Variants in XYLB observed in about 807,000 individuals in gnomAD.
The protein encoded by XYLB is xylulose kinase.
Under a neutral mutation model 78.7 loss-of-function variants are expected in XYLB, and 62 were observed. That is an observed-to-expected ratio of 0.79 (90% CI 0.64 to 0.97). The LOEUF (loss-of-function observed/expected upper bound fraction) is 0.97. XYLB is among the 50% of genes least tolerant of loss of function. XYLB has a pLI of 0.00. For missense variants in XYLB, 687 were observed against 676.8 expected (o/e 1.02, Z -0.17); for synonymous variants, 245 against 247.4 (o/e 0.99, Z 0.09).
At position 38,414,261 on chromosome 3, in the gene XYLB, G is replaced by C. The variant is rs2125684436; in HGVS notation, c.*1248G>C. 1 of 152,320 alleles carries C rather than the reference G, an allele frequency of 6.6e-6. No homozygotes were observed. Among genetic ancestry groups the C allele is most frequent in the Non-Finnish European group, 1.5e-5 (1 of 68,046 alleles). The allele number at this position is 152,320 out of a possible 1,614,324, so 9.4% of individuals were successfully genotyped here. ...GTTAAAAGGAAGGGGCTTAGAAAAT[G>C]AATGGGACCAAAGGCATCACTTCTG... On this transcript the variant is annotated 3_prime_UTR_variant, in exon 19 of 19. Transcript: ENST00000207870.
intron 2 of XYLB, among the ~76,000 whole-genome samples, chr3:38,354,527 G>T (rs1262300822): frequency 6.7e-6 from 1 of 149,896 alleles, no homozygotes; most frequent in Admixed American, 6.6e-5. Context: ...TTTGGACATG[G>T]AGTCTAGCTC....
downstream of XYLB, among the ~76,000 whole-genome samples, chr3:38,418,814 A>G (rs6764551): frequency 0.52 from 78,438 of 152,110 alleles, 21,329 homozygotes; most frequent in Non-Finnish European, 0.61. Context: ...CATGTTTTGT[A>G]ATAAAATGTA....
intron 15 of XYLB, among the ~76,000 whole-genome samples, chr3:38,388,257 C>T (rs1707484807): frequency 2.1e-5 from 3 of 145,732 alleles, no homozygotes; most frequent in South Asian, 2.2e-4. Flanking sequence ...GCGGAGATGT[C>T]GGTCAGTGGA....
chr3:38,371,720 A>G (rs1241946978), intron 9 of XYLB, among the ~76,000 whole-genome samples: 1 of 152,192 alleles, frequency 6.6e-6, no homozygotes, highest in African/African-American at 2.4e-5. Flanking sequence ...TGACATGCTG[A>G]AAACAGCCTC....
intron 16 of XYLB, among the ~76,000 whole-genome samples, chr3:38,396,210 T>C (rs1707862133): frequency 6.6e-6 from 1 of 152,158 alleles, no homozygotes; most frequent in South Asian, 2.1e-4. Context: ...ATAAGCAGTT[T>C]GTTGAGAGAG....
At chr3:38,419,945 G>A (rs1276395569), downstream of XYLB, among the ~76,000 whole-genome samples, 10 of 151,678 alleles carry the variant, frequency 6.6e-5, no homozygotes, top group African/African-American at 1.2e-4. Flanking sequence ...TTAGCCTCCC[G>A]AGTAACTGGG....
At chr3:38,395,098 A>C (rs1434805608) in intron 15 of XYLB, among the ~76,000 whole-genome samples, 1 of 152,214 alleles carries the variant, frequency 6.6e-6, no homozygotes, top group Non-Finnish European at 1.5e-5. Flanking sequence ...GAAGGTGTGA[A>C]TATCAGGAGG....
At chr3:38,446,142 C>T in the XYLB span, among the ~76,000 whole-genome samples, 1 of 152,164 alleles carries the variant, frequency 6.6e-6, no homozygotes, top group Non-Finnish European at 1.5e-5. Context: ...GCTGGGGTGG[C>T]CAGCTTTTAT....
chr3:38,448,610 T>C, the XYLB span, among the ~76,000 whole-genome samples: 2 of 152,246 alleles, frequency 1.3e-5, no homozygotes, highest in South Asian at 2.1e-4. Flanking sequence ...TGTGGGCATT[T>C]AAAATATTTT....
At chr3:38,368,851 AG>A (rs869045551) in intron 8 of XYLB, among the ~76,000 whole-genome samples, 2 of 29,144 alleles carry the variant, frequency 6.9e-5, no homozygotes, top group Non-Finnish European at 2.7e-4. Context: ...GGGGATCAGT[AG>A]GGGACGATCA....
the XYLB span, among the ~76,000 whole-genome samples, chr3:38,444,487 C>T: frequency 2.6e-5 from 4 of 152,174 alleles, no homozygotes; most frequent in African/African-American, 9.7e-5. Context: ...GTTGTGGATT[C>T]TCCTTCAATG....
chr3:38,391,092 G>C (rs748823004), intron 15 of XYLB, among the ~76,000 whole-genome samples: 3 of 151,990 alleles, frequency 2.0e-5, no homozygotes, highest in Non-Finnish European at 4.4e-5. Flanking sequence ...GGTGGCGGAC[G>C]CTTATAGCCT....
At chr3:38,354,504 A>ATT (rs547784678) in intron 2 of XYLB, among the ~76,000 whole-genome samples, 21 of 138,922 alleles carry the variant, frequency 1.5e-4, no homozygotes, top group Non-Finnish European at 1.7e-4. Flanking sequence ...CAAATTGTTA[A>ATT]TTTTTTTTTT....
chr3:38,418,607 A>C (rs1368389361), downstream of XYLB, among the ~76,000 whole-genome samples: 2 of 152,238 alleles, frequency 1.3e-5, no homozygotes. Context: ...TCCACACAAT[A>C]AAAAAGAATG....
the XYLB span, among the ~76,000 whole-genome samples, chr3:38,440,704 C>T: frequency 6.6e-6 from 1 of 152,218 alleles, no homozygotes; most frequent in Non-Finnish European, 1.5e-5. Flanking sequence ...TGGAGTGTTA[C>T]AGGGTTACAG....
chr3:38,423,542 A>G (rs1709042675), downstream of XYLB, among the ~76,000 whole-genome samples: 1 of 152,202 alleles, frequency 6.6e-6, no homozygotes, highest in African/African-American at 2.4e-5. Flanking sequence ...CTGTTTCTTT[A>G]TTATCCCCTT....
At chr3:38,368,345 T>C in intron 8 of XYLB, 88 bp downstream of exon 8, 1 of 1,187,450 alleles carries the variant, frequency 8.4e-7, no homozygotes. Flanking sequence ...CTACCCCGAG[T>C]GGGTGCCAAT....
chr3:38,436,773 G>A, the XYLB span, among the ~76,000 whole-genome samples: 16 of 152,066 alleles, frequency 1.1e-4, no homozygotes, highest in Non-Finnish European at 1.9e-4. Flanking sequence ...GGAGGCCAAG[G>A]CAGGCAGATC....
intron 15 of XYLB, among the ~76,000 whole-genome samples, chr3:38,392,693 C>G (rs1707718707): frequency 1.3e-5 from 2 of 152,088 alleles, no homozygotes; most frequent in African/African-American, 2.4e-5. Context: ...GATTTCCTAT[C>G]TTTCTCTTAT....
Sources: gnomAD v4.1 joint callset for allele counts (sites outside exome capture counted in the v4.1 genomes callset) on GRCh38, gnomAD v4.1.1 for gene constraint, MANE v1.5 for transcripts, NCBI Gene and HGNC (gene_info 2026-07-23, HGNC 2026-07-21) for gene names.